TRHDE: variants seen among roughly 807,000 people sequenced by gnomAD.
The protein encoded by TRHDE is thyrotropin releasing hormone degrading enzyme.
Under a neutral mutation model 125.7 loss-of-function variants are expected in TRHDE, and 72 were observed. That is an observed-to-expected ratio of 0.57 (90% CI 0.47 to 0.70). The LOEUF is 0.70. TRHDE is among the 30% of genes least tolerant of loss of function. The pLI is 0.00. For synonymous variants in TRHDE, 509 were observed against 509.1 expected (o/e 1.00, Z 0.00); for missense variants, 1,110 against 1,327.1 (o/e 0.84, Z 2.54).
intron 5 of TRHDE, among the ~76,000 whole-genome samples, chr12:72,479,762 T>C (rs1279714703): frequency 3.3e-5 from 5 of 150,794 alleles, no homozygotes; most frequent in African/African-American, 1.2e-4. Context: ...GCTGCACCCA[T>C]TAACTCGTCA....
intron 3 of TRHDE, among the ~76,000 whole-genome samples, chr12:72,419,179 G>T (rs895181115): frequency 6.6e-6 from 1 of 152,142 alleles, no homozygotes; most frequent in East Asian, 1.9e-4. Context: ...TAGAGGAACA[G>T]AAAATAACAC....
In TRHDE at chr12:72,664,359, T is replaced by C. The variant is rs1443101267; in HGVS notation, c.*1164T>C. 2 of 152,552 alleles carry C rather than the reference T, an allele frequency of 1.3e-5. No homozygotes were observed. The highest frequency in any genetic ancestry group is 2.9e-5 in the Non-Finnish European group (2 of 68,020). The allele number at this position is 152,552 out of a possible 1,614,324, so 9.4% of individuals were successfully genotyped here. On this transcript the variant is annotated 3_prime_UTR_variant, in exon 19 of 19. Transcript: ENST00000261180. Reference sequence around the variant, plus strand: ...AGTCTGTTTTGCTCTAATCCTCCATTAAGCGAGCATACCTCAAGTGGGTCT... The same window carrying C: ...AGTCTGTTTTGCTCTAATCCTCCATCAAGCGAGCATACCTCAAGTGGGTCT...
At chr12:72,416,135 C>T (rs1057402403) in intron 3 of TRHDE, among the ~76,000 whole-genome samples, 7 of 151,946 alleles carry the variant, frequency 4.6e-5, no homozygotes, top group African/African-American at 1.7e-4. Flanking sequence ...ATTTGCATTT[C>T]TCAGATGATT....
chr12:72,183,395 G>T (rs1038718949), intron 2 of TRHDE, among the ~76,000 whole-genome samples: 1 of 152,072 alleles, frequency 6.6e-6, no homozygotes, highest in East Asian at 1.9e-4. Context: ...ATCTTCTCTC[G>T]AACACTAGTT....
At chr12:72,557,882 C>A (rs1398831294) in intron 7 of TRHDE, among the ~76,000 whole-genome samples, 2 of 151,966 alleles carry the variant, frequency 1.3e-5, no homozygotes, top group East Asian at 3.9e-4. Context: ...TTGGGGGATC[C>A]TGACAGATAT....
At chr12:72,443,098 C>A (rs1309769590) in intron 3 of TRHDE, among the ~76,000 whole-genome samples, 1 of 151,756 alleles carries the variant, frequency 6.6e-6, no homozygotes, top group African/African-American at 2.4e-5. Context: ...TTGACTACCA[C>A]TTTAGCTTCA....
chr12:72,205,760 A>C (rs1225597723), intron 2 of TRHDE, among the ~76,000 whole-genome samples: 1 of 152,242 alleles, frequency 6.6e-6, no homozygotes, highest in Non-Finnish European at 1.5e-5. Flanking sequence ...CAGTTTATCA[A>C]TTGATAGACA....
chr12:72,234,960 A>C (rs1245908672), intron 2 of TRHDE, among the ~76,000 whole-genome samples: 1 of 152,190 alleles, frequency 6.6e-6, no homozygotes, highest in African/African-American at 2.4e-5. Context: ...TGATAACTGC[A>C]GAGCTCAGAG....
At chr12:72,480,561 T>C (rs1193587315) in intron 5 of TRHDE, among the ~76,000 whole-genome samples, 2 of 152,198 alleles carry the variant, frequency 1.3e-5, no homozygotes, top group Admixed American at 1.3e-4. Context: ...GAGCACTGTG[T>C]TGGGATTTGC....
intron 2 of TRHDE, among the ~76,000 whole-genome samples, chr12:72,125,862 C>A (rs1027446002): frequency 1.3e-5 from 2 of 152,108 alleles, no homozygotes; most frequent in African/African-American, 4.8e-5. Flanking sequence ...TGGTACAGAA[C>A]ATGGGGAACC....
intron 2 of TRHDE, among the ~76,000 whole-genome samples, chr12:72,163,311 AC>A (rs1386375205): frequency 6.6e-6 from 1 of 152,228 alleles, no homozygotes; most frequent in African/African-American, 2.4e-5. Flanking sequence ...TCCCTTGAAT[AC>A]CTATAACAGC....
chr12:72,492,006 G>T (rs1290663556), intron 5 of TRHDE, among the ~76,000 whole-genome samples: 2 of 151,916 alleles, frequency 1.3e-5, no homozygotes, highest in African/African-American at 4.8e-5. Flanking sequence ...TTGTTTCATT[G>T]TAGGCATTAG....
At chr12:72,614,832 G>C (rs1872757238) in intron 12 of TRHDE, among the ~76,000 whole-genome samples, 1 of 152,092 alleles carries the variant, frequency 6.6e-6, no homozygotes, top group South Asian at 2.1e-4. Context: ...ATTCAGAATG[G>C]TTTTTAAAAA....
intron 1 of TRHDE, among the ~76,000 whole-genome samples, chr12:72,285,584 G>A (rs140806111): frequency 0.017 from 2,559 of 146,678 alleles, 67 homozygotes; most frequent in African/African-American, 0.061. Context: ...GCAGTGGCGC[G>A]ATCTTGGTTC....
intron 3 of TRHDE, among the ~76,000 whole-genome samples, chr12:72,462,592 C>T (rs1876176309): frequency 6.6e-6 from 1 of 152,102 alleles, no homozygotes; most frequent in African/African-American, 2.4e-5. Flanking sequence ...GAATATTAGC[C>T]ATATGCTTGG....
rs140639743 is a variant in TRHDE at position 72,633,248 on chromosome 12, T to TC, written c.2675+11502dup. On this transcript the variant is annotated intron_variant, in intron 15 of 18. Transcript: ENST00000261180. ...GGCTGTTAAGAGTTAAGATCCCTTG[T>TC]CCCCCACCAGCAAGTCTCTTTCTTT... 4.4e-3 allele frequency among the ~76,000 whole-genome samples: 671 copies of TC among 152,130 alleles called. 6 individuals are homozygous for TC. Among genetic ancestry groups the TC allele is most frequent in the Non-Finnish European group, 4.5e-3 (304 of 67,954 alleles).
intron 6 of TRHDE, among the ~76,000 whole-genome samples, chr12:72,510,639 G>C (rs1479866055): frequency 2.6e-5 from 4 of 151,856 alleles, no homozygotes; most frequent in African/African-American, 7.3e-5. Flanking sequence ...AATATGATTT[G>C]GGTTTTCATT....
chr12:72,570,571 AC>A (rs1870669988), intron 10 of TRHDE, among the ~76,000 whole-genome samples: 1 of 116,102 alleles, frequency 8.6e-6, no homozygotes, highest in South Asian at 2.9e-4. Context: ...AGAGAGAGAG[AC>A]TGTCTCAAAA....
intron 2 of TRHDE, among the ~76,000 whole-genome samples, chr12:72,364,607 G>A (rs1871267112): frequency 6.6e-6 from 1 of 151,968 alleles, no homozygotes; most frequent in African/African-American, 2.4e-5. Flanking sequence ...TGAGTCCTGA[G>A]GTTCTTACCC....
Sources: gnomAD v4.1 joint callset for allele counts (sites outside exome capture counted in the v4.1 genomes callset) on GRCh38, gnomAD v4.1.1 for gene constraint, MANE v1.5 for transcripts, NCBI Gene and HGNC (gene_info 2026-07-23, HGNC 2026-07-21) for gene names.